Variants in ZNF680 observed in about 807,000 individuals in gnomAD.
The protein encoded by ZNF680 is zinc finger protein 680.
A neutral mutation model predicts 12.1 loss-of-function variants in ZNF680; 6 were observed. The ratio of observed to expected loss-of-function variants is 0.49; its 90% CI spans 0.27 to 0.98. The LOEUF (loss-of-function observed/expected upper bound fraction) is 0.98, where lower values mean the gene tolerates loss of function less well. Ranked by LOEUF, ZNF680 falls within the 50% of genes least tolerant of loss-of-function variation. The probability of loss-of-function intolerance (pLI) is 0.12; values close to 1 mark genes in which losing one functional copy is unlikely to be tolerated. For missense variants in ZNF680, 561 were observed against 616.3 expected, an observed-to-expected ratio of 0.91 and a Z score of 0.95; for synonymous variants, 170 against 199.3, an observed-to-expected ratio of 0.85 and a Z score of 1.24.
intron 1 of ZNF680, among the ~76,000 whole-genome samples, chr7:64,555,600 G>C (rs1281970482): frequency 1.2e-4 from 18 of 151,648 alleles, no homozygotes; most frequent in Admixed American, 1.1e-3. Flanking sequence ...AAAAGAATGA[G>C]AGAAAGCAAG....
intron 1 of ZNF680, among the ~76,000 whole-genome samples, chr7:64,557,589 A>C (rs1787493882): frequency 6.6e-6 from 1 of 151,648 alleles, no homozygotes; most frequent in African/African-American, 2.4e-5. Flanking sequence ...ACAAAACAAA[A>C]AAAAACTTAC....
chr7:64,515,229 G>A (rs1468674643), downstream of ZNF680, among the ~76,000 whole-genome samples: 4 of 151,916 alleles, frequency 2.6e-5, no homozygotes, highest in East Asian at 7.7e-4. Flanking sequence ...CTAAAAACTA[G>A]TTAAATTATT....
chr7:64,541,744 A>G (rs1786513357), intron 3 of ZNF680, among the ~76,000 whole-genome samples: 1 of 152,160 alleles, frequency 6.6e-6, no homozygotes. Flanking sequence ...TAATCATCCC[A>G]AACTCCTCCC....
At chr7:64,550,097 C>A (rs758875887) in intron 1 of ZNF680, among the ~76,000 whole-genome samples, 1 of 152,212 alleles carries the variant, frequency 6.6e-6, no homozygotes, top group Non-Finnish European at 1.5e-5. Flanking sequence ...CAAAAATCTA[C>A]ACTTTGCTTA....
intron 1 of ZNF680, chr7:64,551,446 G>A (rs1787071776): frequency 6.5e-6 from 1 of 152,954 alleles, no homozygotes; most frequent in Non-Finnish European, 1.5e-5. Flanking sequence ...ACAGCCAGGA[G>A]GTCACATCTC....
chr7:64,525,775 A>C, intron 3 of ZNF680: 1 of 969,344 alleles, frequency 1.0e-6, no homozygotes, highest in Non-Finnish European at 1.2e-6. Context: ...CACAAAAATA[A>C]TATAGATCCA....
At chr7:64,523,144 A>G (rs1417376167) in intron 3 of ZNF680, among the ~76,000 whole-genome samples, 2 of 152,126 alleles carry the variant, frequency 1.3e-5, no homozygotes, top group African/African-American at 4.8e-5. Context: ...AATGGTGCAC[A>G]AAATGTTAAT....
At chr7:64,507,713 T>C in the ZNF680 span, among the ~76,000 whole-genome samples, 2 of 151,918 alleles carry the variant, frequency 1.3e-5, no homozygotes, top group African/African-American at 4.8e-5. Flanking sequence ...TATACAACTC[T>C]GATTTGCCAT....
At position 64,560,595 on chromosome 7, in the gene ZNF680, T is replaced by C. The variant is rs145870013; in HGVS notation, c.30+2330A>G. Reference sequence around the variant, plus strand: ...GGGAGGCCAAGGCGGGTGGATCACCTGAGATCAAGAGTTTGAGACCAGACT... The same window carrying C: ...GGGAGGCCAAGGCGGGTGGATCACCCGAGATCAAGAGTTTGAGACCAGACT... On this transcript the variant is annotated intron_variant, in intron 1 of 3. Transcript: ENST00000309683. Among the ~76,000 whole-genome samples the C allele has an allele frequency of 3.8e-3, 582 of 152,250 alleles. 11 individuals carry two copies. Among genetic ancestry groups the C allele is most frequent in the African/African-American group, 0.013 (538 of 41,568 alleles).
At chr7:64,539,361 AAAAAAAAAAAAAAAG>A (rs1426935450) in intron 3 of ZNF680, among the ~76,000 whole-genome samples, 4 of 140,256 alleles carry the variant, frequency 2.9e-5, no homozygotes, top group African/African-American at 8.2e-5. Context: ...CAAAAAAAAA[AAAAAAAAAAAAAAAG>A]AAAAGAAAAT....
At chr7:64,543,239 C>T (rs187542632) in intron 3 of ZNF680, among the ~76,000 whole-genome samples, 3 of 151,934 alleles carry the variant, frequency 2.0e-5, no homozygotes, top group East Asian at 1.9e-4. Flanking sequence ...TTTATAATTT[C>T]GAACTATATT....
intron 1 of ZNF680, among the ~76,000 whole-genome samples, chr7:64,560,740 A>C (rs1458926744): frequency 6.6e-6 from 1 of 151,972 alleles, no homozygotes; most frequent in African/African-American, 2.4e-5. Context: ...TGAACCCAAG[A>C]GACAGAGGTT....
chr7:64,537,691 G>A (rs1786243184), intron 3 of ZNF680, among the ~76,000 whole-genome samples: 1 of 152,196 alleles, frequency 6.6e-6, no homozygotes, highest in Non-Finnish European at 1.5e-5. Flanking sequence ...ATTTTGGGAG[G>A]CCAAGGCGGG....
chr7:64,524,366 G>A (rs988774043), intron 3 of ZNF680, among the ~76,000 whole-genome samples: 2 of 151,894 alleles, frequency 1.3e-5, no homozygotes, highest in African/African-American at 2.4e-5. Flanking sequence ...CTGACCTCAG[G>A]CAATCCACCC....
rs1209547270 is a variant in ZNF680 at position 64,520,865 on chromosome 7, A to G, written c.*296T>C. 8.5e-6 allele frequency: 2 copies of G among 236,120 alleles called. No homozygotes were observed. The highest frequency in any genetic ancestry group is 1.6e-5 in the Non-Finnish European group (2 of 122,138). 14.6% of individuals were successfully genotyped at this position (236,120 alleles called of 1,614,324 possible). ...TGAAATTTCTTTTGACAGTAATTGC[A>G]TTTATAATGCTTTTAATAAGTATAA... On this transcript the variant is annotated 3_prime_UTR_variant, in exon 4 of 4. Transcript: ENST00000309683.
chr7:64,537,883 T>C (rs780537897), intron 3 of ZNF680, among the ~76,000 whole-genome samples: 1 of 151,806 alleles, frequency 6.6e-6, no homozygotes, highest in Non-Finnish European at 1.5e-5. Context: ...TGAGCTGAGA[T>C]AGCACCACTG....
chr7:64,505,794 T>TGA, the ZNF680 span, among the ~76,000 whole-genome samples: 1 of 150,880 alleles, frequency 6.6e-6, no homozygotes, highest in Non-Finnish European at 1.5e-5. Context: ...TCCTCTGCCA[T>TGA]GAGATCCTTC....
downstream of ZNF680, among the ~76,000 whole-genome samples, chr7:64,515,401 CA>C (rs1791330804): frequency 6.6e-6 from 1 of 151,784 alleles, no homozygotes; most frequent in South Asian, 2.1e-4. Flanking sequence ...AAAAGCAGTC[CA>C]AAAAAATCCA....
chr7:64,548,385 A>G (rs1018656214), intron 1 of ZNF680, among the ~76,000 whole-genome samples: 2 of 152,234 alleles, frequency 1.3e-5, no homozygotes, highest in African/African-American at 4.8e-5. Context: ...TTTTCCACAC[A>G]TCTATACATT....
Sources: gnomAD v4.1 joint callset for allele counts (sites outside exome capture counted in the v4.1 genomes callset) on GRCh38, gnomAD v4.1.1 for gene constraint, MANE v1.5 for transcripts, NCBI Gene and HGNC (gene_info 2026-07-23, HGNC 2026-07-21) for gene names.